Variants in ZNF467 observed in about 807,000 individuals in gnomAD.
ZNF467 encodes the protein zinc finger protein EZI.
A neutral mutation model predicts 47.8 loss-of-function variants in ZNF467; 51 were observed. The observed-to-expected ratio is 1.07, with a 90% confidence interval of 0.85 to 1.35. The LOEUF (loss-of-function observed/expected upper bound fraction) is 1.35, where lower values mean the gene tolerates loss of function less well. Ranked by LOEUF, ZNF467 falls within the 40% of genes most tolerant of loss-of-function variation. ZNF467 has a pLI of 0.00. For synonymous variants in ZNF467, 416 were observed against 372.9 expected (o/e 1.12, Z -1.33); for missense variants, 992 against 858.1 (o/e 1.16, Z -1.95).
chr7:149,765,250 G>A lies in ZNF467; in HGVS notation c.1252C>T (p.Pro418Ser), dbSNP rs1273166838. Residue 418 changes from proline (P) to serine (S), a missense_variant, in exon 5 of 5, where the codon CCC becomes TCC. By Grantham distance (74) the Pro-to-Ser change is moderately conservative (BLOSUM62 -1). Coordinates refer to ENST00000302017, the MANE Select transcript of ZNF467 (RefSeq NM_207336.3). ...GAGGGGGCGCGCTGGGGCACCACGG[G>A]ATCGGATCCTGGGCCGCAGCCCGGT... ...GGPGCGPGSDPVVPQRAPSGE... is the reference protein window; with the variant it reads ...GGPGCGPGSDSVVPQRAPSGE... The A allele has an allele frequency of 6.8e-7, 1 of 1,467,930 alleles. No individual in the cohort carries two copies. Among genetic ancestry groups the A allele is most frequent in the Admixed American group, 2.6e-5 (1 of 38,034 alleles). The allele number at this position is 1,467,930 out of a possible 1,614,324, so 90.9% of individuals were successfully genotyped here.
In ZNF467 at chr7:149,765,137, G is replaced by A. The variant is rs1799133366; in HGVS notation, c.1365C>T (p.Gly455=). 30 of 1,484,940 alleles carry A rather than the reference G, an allele frequency of 2.0e-5. No individual in the cohort carries two copies. Among genetic ancestry groups the A allele is most frequent in the Non-Finnish European group, 2.7e-5 (30 of 1,122,048 alleles). 92.0% of individuals were successfully genotyped at this position (1,484,940 alleles called of 1,614,324 possible). A position where few individuals can be genotyped will look rare whatever the true frequency, so the allele number is the denominator to read the frequency against. ...HLARHPRVHT[G]ERPFACTQCD... ...ACTGCGTGCAGGCGAAGGGCCGTTC[G>A]CCCGTGTGCACGCGCGGGTGCCGCG... The change falls in exon 5 of 5, where the codon GGC becomes GGT. Residue 455 remains glycine, a synonymous_variant. Coordinates refer to ENST00000302017, the MANE Select transcript of ZNF467 (RefSeq NM_207336.3).
chr7:149,772,954 C>CCGA (rs1799473804), intron 1 of ZNF467, among the ~76,000 whole-genome samples, 154 bp downstream of exon 1: 4 of 144,800 alleles, frequency 2.8e-5, no homozygotes, highest in Non-Finnish European at 6.1e-5. Flanking sequence ...CCCCCCAGCC[C>CCGA]CCGACCTCCC....
chr7:149,764,614 C>T lies in ZNF467; in HGVS notation c.*100G>A. ...AACAGGTGTCCCGCGGCGGCCAAACCTTCGGGCAGCAGCCCAGGTCGCCTT... is the reference window on the plus strand; with the variant it reads ...AACAGGTGTCCCGCGGCGGCCAAACTTTCGGGCAGCAGCCCAGGTCGCCTT... On this transcript the variant is annotated 3_prime_UTR_variant, in exon 5 of 5. Coordinates refer to ENST00000302017, the MANE Select transcript of ZNF467 (RefSeq NM_207336.3). 6.5e-7 allele frequency: 1 copy of T among 1,547,828 alleles called. No homozygotes were observed. Among genetic ancestry groups the T allele is most frequent in the Non-Finnish European group, 8.7e-7 (1 of 1,145,772 alleles).
At chr7:149,776,029 G>A, upstream of ZNF467, 2 of 1,364,864 alleles carry the variant, frequency 1.5e-6, no homozygotes, top group African/African-American at 1.5e-5. Flanking sequence ...GGTGCCCTGG[G>A]GGTGAGGGCA....
At chr7:149,774,192 G>GCAGCCCT (rs762839782), upstream of ZNF467, among the ~76,000 whole-genome samples, 12 of 152,166 alleles carry the variant, frequency 7.9e-5, no homozygotes, top group East Asian at 1.9e-4. This position sits in a 1 kb window ranked among gnomAD's most constrained non-coding sequence, Gnocchi z 5.7. Flanking sequence ...GATGTGGAGG[G>GCAGCCCT]CAGCCCTCAG....
chr7:149,776,197 C>A, upstream of ZNF467: 2 of 1,084,698 alleles, frequency 1.8e-6, no homozygotes, highest in Non-Finnish European at 2.5e-6. Context: ...CGGGATCCTC[C>A]CTCCACCCCC....
chr7:149,766,036 G>T lies in ZNF467; in HGVS notation c.466C>A (p.Pro156Thr). 1 of 1,594,090 alleles carries T rather than the reference G, an allele frequency of 6.3e-7. No homozygotes were observed. ...GLALSGWGPM[P>T]EKPYGCGECE... is the part of the protein sequence containing the mutation. Reference sequence around the variant, plus strand: ...TCCCCGCAGCCGTAGGGCTTCTCCGGCATCGGACCCCACCCAGACAGCGCG... The same window carrying T: ...TCCCCGCAGCCGTAGGGCTTCTCCGTCATCGGACCCCACCCAGACAGCGCG... The change falls in exon 5 of 5, where the codon CCG (proline) becomes ACG (threonine). Residue 156 changes from proline to threonine, a missense_variant. By Grantham distance (38) the Pro-to-Thr change is conservative. Coordinates refer to ENST00000302017, the MANE Select transcript of ZNF467 (RefSeq NM_207336.3).
At chr7:149,770,324 A>G (rs1799356091) in intron 3 of ZNF467, 116 bp downstream of exon 3, 4 of 604,972 alleles carry the variant, frequency 6.6e-6, no homozygotes, top group African/African-American at 2.1e-5. Context: ...GGAAGGAAGG[A>G]AGGAAAGAAG....
rs767963759 is a variant in ZNF467, at chr7:149,765,795, C to T, written c.707G>A (p.Arg236His). Residue 236 changes from arginine to histidine, a missense_variant, in exon 5 of 5, where the codon CGC becomes CAC. By Grantham distance (29) the Arg-to-His change is conservative (BLOSUM62 0). Transcript: ENST00000302017. ...SKKAHLTRHL[R>H]THTGERPYPC... is the part of the protein sequence containing the mutation. ...GTAGGGCCGCTCGCCCGTGTGCGTG[C>T]GCAGGTGGCGGGTCAGATGGGCCTT... 3.1e-6 allele frequency: 5 copies of T among 1,611,246 alleles called. No individual in the cohort carries two copies. In the South Asian group the frequency reaches 3.3e-5, roughly 11 times the overall value.
Position 149,765,304 on chromosome 7 carries a change from C to T in ZNF467, c.1198G>A (p.Ala400Thr). ...ALGATVDAPAAKPLASAPGGP... is the reference protein window; with the variant it reads ...ALGATVDAPATKPLASAPGGP... ...CCAGGCGCGCTGGCCAGGGGCTTGG[C>T]GGCGGGGGCATCCACGGTGGCGCCC... Residue 400 changes from alanine (A) to threonine (T), a missense_variant, in exon 5 of 5, where the codon GCC becomes ACC. Coordinates refer to ENST00000302017, the MANE Select transcript of ZNF467 (RefSeq NM_207336.3). 8.1e-6 allele frequency: 12 copies of T among 1,476,672 alleles called. No homozygotes were observed. Among genetic ancestry groups the T allele is most frequent in the African/African-American group, 2.8e-5 (2 of 71,134 alleles). 91.5% of individuals were successfully genotyped at this position (1,476,672 alleles called of 1,614,324 possible).
At chr7:149,775,837 G>A (rs1799559141), upstream of ZNF467, among the ~76,000 whole-genome samples, 3 of 152,146 alleles carry the variant, frequency 2.0e-5, no homozygotes, top group Non-Finnish European at 2.9e-5. Flanking sequence ...GGTGTGGCAG[G>A]TCCAATCCGG....
intron 2 of ZNF467, 79 bp from the exon 3 acceptor site, chr7:149,770,635 C>T: frequency 1.6e-6 from 2 of 1,252,806 alleles, no homozygotes; most frequent in South Asian, 2.8e-5. Context: ...TGTTCCCCTT[C>T]CCAGCCTGCC....
In ZNF467 at chr7:149,765,272, C is replaced by G. The variant is rs1453230168; in HGVS notation, c.1230G>C (p.Pro410=). The part of the protein sequence containing the change: ...AKPLASAPGG[P]GCGPGSDPVV... ...CGGGATCGGATCCTGGGCCGCAGCC[C>G]GGTCCGCCAGGCGCGCTGGCCAGGG... The change falls in exon 5 of 5, where the codon CCG becomes CCC. Residue 410 remains proline, a synonymous_variant. Transcript: ENST00000302017. The G allele has an allele frequency of 6.8e-7, 1 of 1,461,816 alleles. No individual in the cohort carries two copies. Among genetic ancestry groups the G allele is most frequent in the Non-Finnish European group, 9.0e-7 (1 of 1,107,092 alleles). The allele number at this position is 1,461,816 out of a possible 1,614,324, so 90.6% of individuals were successfully genotyped here.
At chr7:149,766,922 G>A (rs1050411599) in intron 4 of ZNF467, among the ~76,000 whole-genome samples, 4 of 152,170 alleles carry the variant, frequency 2.6e-5, no homozygotes, top group South Asian at 2.1e-4. Context: ...GGAAGACCAC[G>A]ATGGAGTTTA....
Position 149,766,168 on chromosome 7 carries a change from G to T in ZNF467, c.334C>A (p.Pro112Thr). 1.3e-6 allele frequency: 2 copies of T among 1,572,162 alleles called. No homozygotes were observed. The highest frequency in any genetic ancestry group is 1.7e-6 in the Non-Finnish European group (2 of 1,156,010). The change falls in exon 5 of 5, where the codon CCC becomes ACC. Residue 112 changes from proline (P) to threonine (T), a missense_variant. Pro to Thr is a conservative substitution (Grantham distance 38, BLOSUM62 -1). Transcript: ENST00000302017. ...DQEAEEEVEW[P>T]QHLSLLPSPF... Reference sequence around the variant, plus strand: ...CTGGGAAGTAACGATAGATGCTGGGGCCATTCGACCTCCTCTTCTGCCTCC... The same window carrying T: ...CTGGGAAGTAACGATAGATGCTGGGTCCATTCGACCTCCTCTTCTGCCTCC...
intron 1 of ZNF467, among the ~76,000 whole-genome samples, chr7:149,771,681 T>G (rs1799412267): frequency 6.9e-6 from 1 of 144,218 alleles, no homozygotes. Context: ...CTGCTGCCCC[T>G]TCCCTGCTCC....
intron 1 of ZNF467, among the ~76,000 whole-genome samples, chr7:149,772,560 G>A (rs1486399133): frequency 7.9e-5 from 8 of 101,056 alleles, no homozygotes; most frequent in African/African-American, 3.2e-4. Flanking sequence ...CCCTATTTCT[G>A]CTCCCCTCGG....
At position 149,770,422 on chromosome 7, in the gene ZNF467, A is replaced by G. The variant is rs1279417665; in HGVS notation, c.151+18T>C. On this transcript the variant is annotated intron_variant, in intron 3 of 4. Coordinates refer to ENST00000302017, the MANE Select transcript of ZNF467 (RefSeq NM_207336.3). ...GGGGGACTCCTCCCTGAGCCTTTCC[A>G]GGGTTCCTGTTACCTACCTGAGCAC... The G allele has an allele frequency of 6.3e-6, 10 of 1,591,718 alleles. No individual in the cohort carries two copies. Among genetic ancestry groups the G allele is most frequent in the Non-Finnish European group, 8.6e-6 (10 of 1,165,544 alleles).
chr7:149,765,174 C>T lies in ZNF467; in HGVS notation c.1328G>A (p.Gly443Glu). Residue 443 changes from glycine to glutamate, a missense_variant, in exon 5 of 5, where the codon GGG becomes GAG. Physicochemically the swap from Gly to Glu is moderately conservative, Grantham distance 98 (BLOSUM62 -2). Coordinates refer to ENST00000302017, the MANE Select transcript of ZNF467 (RefSeq NM_207336.3). Reference protein sequence around the residue: ...CPDCGRGFSHGQHLARHPRVH... With the variant: ...CPDCGRGFSHEQHLARHPRVH... ...GCGCGGGTGCCGCGCCAGGTGCTGC[C>T]CATGGGAGAAGCCGCGCCCGCAGTC... 6.6e-7 allele frequency: 1 copy of T among 1,504,000 alleles called. No homozygotes were observed. Among genetic ancestry groups the T allele is most frequent in the Non-Finnish European group, 8.8e-7 (1 of 1,130,748 alleles). 93.2% of individuals were successfully genotyped at this position (1,504,000 alleles called of 1,614,324 possible). A position where few individuals can be genotyped will look rare whatever the true frequency, so the allele number is the denominator to read the frequency against.
Sources: allele counts gnomAD v4.1 joint callset (sites outside exome capture counted in the v4.1 genomes callset), GRCh38; gene constraint gnomAD v4.1.1; non-coding constraint Gnocchi (gnomAD v3.1); transcripts MANE v1.5; gene names NCBI Gene and HGNC (gene_info 2026-07-23, HGNC 2026-07-21).